SNTG2: variants seen among roughly 807,000 people sequenced by gnomAD.
SNTG2 encodes gamma-2-syntrophin.
Under a neutral mutation model 70.9 loss-of-function variants are expected in SNTG2, and 74 were observed. The observed-to-expected ratio is 1.04, with a 90% CI of 0.86 to 1.27. The LOEUF (loss-of-function observed/expected upper bound fraction) is 1.27. Ranked by LOEUF, SNTG2 falls within the 50% of genes most tolerant of loss-of-function variation. SNTG2 has a pLI of 0.00. For missense variants in SNTG2, 717 were observed against 690.7 expected (o/e 1.04, Z -0.43); for synonymous variants, 278 against 273.8 (o/e 1.02, Z -0.15).
intron 16 of SNTG2, among the ~76,000 whole-genome samples, chr2:1,356,373 G>A (rs1380240428): frequency 1.3e-5 from 2 of 152,182 alleles, no homozygotes; most frequent in Non-Finnish European, 2.9e-5. Context: ...TATGGTGTAA[G>A]ATAAAGGTCC....
intron 8 of SNTG2, among the ~76,000 whole-genome samples, chr2:1,197,385 T>C (rs1414148113): frequency 1.3e-5 from 2 of 151,196 alleles, no homozygotes; most frequent in Non-Finnish European, 2.9e-5. Context: ...AGAAGATCTT[T>C]ATAAAATGAT....
intron 14 of SNTG2, among the ~76,000 whole-genome samples, chr2:1,273,366 A>C (rs2148194130): frequency 6.6e-6 from 1 of 152,304 alleles, no homozygotes; most frequent in South Asian, 2.1e-4. Context: ...ATTCTTGTTC[A>C]CACACAGGTT....
In SNTG2 at chr2:1,285,806, A is replaced by G. The variant is rs144945521; in HGVS notation, c.1284+18235A>G. Among the ~76,000 whole-genome samples the G allele has an allele frequency of 1.9e-3, 292 of 152,260 alleles. 2 individuals are homozygous for G. Among genetic ancestry groups the G allele is most frequent in the African/African-American group, 6.7e-3 (278 of 41,552 alleles). ...GGTCGTGTTTTTTTTTCCTGATGGA[A>G]AGACCCAAACCTTCATTCCTGAAGG... On this transcript the variant is annotated intron_variant, in intron 14 of 16. Transcript: ENST00000308624.
At chr2:1,040,458 G>T (rs914542504) in intron 1 of SNTG2, among the ~76,000 whole-genome samples, 2 of 152,054 alleles carry the variant, frequency 1.3e-5, no homozygotes, top group African/African-American at 4.8e-5. Context: ...ACCTTGCCCT[G>T]TCCAGCCCCA....
intron 2 of SNTG2, among the ~76,000 whole-genome samples, chr2:1,090,607 C>T (rs1468489065): frequency 6.6e-6 from 1 of 152,130 alleles, no homozygotes; most frequent in African/African-American, 2.4e-5. Flanking sequence ...GATCAAGAGC[C>T]CCATCCAGCC....
chr2:1,341,216 G>A (rs545631542), intron 16 of SNTG2: 4 of 152,178 alleles, frequency 2.6e-5, no homozygotes, highest in Non-Finnish European at 5.9e-5. Context: ...TGAACTCTGT[G>A]CTTTCTGTAC....
chr2:1,214,485 T>C (rs1007938171), intron 9 of SNTG2, among the ~76,000 whole-genome samples: 6 of 152,158 alleles, frequency 3.9e-5, no homozygotes, highest in Admixed American at 1.3e-4. Flanking sequence ...TACTCCTAGG[T>C]ATTTTATATT....
At chr2:970,064 A>G (rs1268625614) in intron 1 of SNTG2, among the ~76,000 whole-genome samples, 1 of 152,156 alleles carries the variant, frequency 6.6e-6, no homozygotes, top group Non-Finnish European at 1.5e-5. Flanking sequence ...GAGGGCTTTT[A>G]ATATGAAGGG....
At chr2:1,323,470 A>T (rs4614974) in intron 16 of SNTG2, among the ~76,000 whole-genome samples, 38 of 107,476 alleles carry the variant, frequency 3.5e-4, no homozygotes, top group African/African-American at 1.1e-3. Context: ...GAGACCCCCC[A>T]GTAGACTAGG....
chr2:1,271,649 G>C (rs541706894), intron 14 of SNTG2, among the ~76,000 whole-genome samples: 1 of 151,992 alleles, frequency 6.6e-6, no homozygotes, highest in South Asian at 2.1e-4. Context: ...ATTGTGCCTC[G>C]GTGTGGCTCC....
At chr2:1,172,945 A>C in intron 7 of SNTG2, 147 bp from the exon 8 acceptor site, 2 of 686,530 alleles carry the variant, frequency 2.9e-6, no homozygotes, top group Non-Finnish European at 2.5e-6. Flanking sequence ...GTGAGAGGCC[A>C]TTGGGGATGA....
intron 8 of SNTG2, among the ~76,000 whole-genome samples, chr2:1,177,335 T>C (rs1354197161): frequency 2.0e-5 from 3 of 151,732 alleles, no homozygotes; most frequent in African/African-American, 7.3e-5. Context: ...GTGGGGGCCA[T>C]GGTGGGAGGG....
intron 4 of SNTG2, among the ~76,000 whole-genome samples, chr2:1,113,945 C>G (rs571851946): frequency 6.9e-4 from 103 of 150,180 alleles, no homozygotes; most frequent in Non-Finnish European, 1.3e-3. Context: ...ATCGTGTTTC[C>G]TAAGTGAAGT....
intron 1 of SNTG2, among the ~76,000 whole-genome samples, chr2:1,078,194 TG>T (rs1490378478): frequency 6.6e-6 from 1 of 152,202 alleles, no homozygotes; most frequent in Non-Finnish European, 1.5e-5. Context: ...TATGCCAGGC[TG>T]GGCTGTAGAA....
At chr2:990,577 CCTAA>C (rs1365770991) in intron 1 of SNTG2, among the ~76,000 whole-genome samples, 1 of 152,172 alleles carries the variant, frequency 6.6e-6, no homozygotes, top group East Asian at 1.9e-4. Context: ...GACCCCACCT[CCTAA>C]CACCATCACA....
At chr2:1,191,645 A>G (rs2147941126) in intron 8 of SNTG2, among the ~76,000 whole-genome samples, 1 of 152,238 alleles carries the variant, frequency 6.6e-6, no homozygotes, top group Middle Eastern at 3.4e-3. Flanking sequence ...AATACAAAAA[A>G]TTAGCCAGGT....
At chr2:1,150,362 A>C (rs1669398401) in intron 6 of SNTG2, among the ~76,000 whole-genome samples, 1 of 152,114 alleles carries the variant, frequency 6.6e-6, no homozygotes, top group Non-Finnish European at 1.5e-5. Context: ...AAATGTATAA[A>C]AGTAAATTTA....
At chr2:1,224,320 A>G (rs1158075182) in intron 9 of SNTG2, among the ~76,000 whole-genome samples, 2 of 152,162 alleles carry the variant, frequency 1.3e-5, no homozygotes, top group Non-Finnish European at 2.9e-5. Flanking sequence ...TTCCATTACT[A>G]TGGAAGTCAC....
intron 9 of SNTG2, among the ~76,000 whole-genome samples, chr2:1,222,496 G>C (rs1675343990): frequency 7.1e-6 from 1 of 140,852 alleles, no homozygotes; most frequent in Non-Finnish European, 1.5e-5. Flanking sequence ...AAGTGGTGCA[G>C]TGATGGAGGG....
Sources: allele counts gnomAD v4.1 joint callset (sites outside exome capture counted in the v4.1 genomes callset), GRCh38; gene constraint gnomAD v4.1.1; transcripts MANE v1.5; gene names NCBI Gene and HGNC (gene_info 2026-07-23, HGNC 2026-07-21).